Variants in KDM3B observed in about 807,000 individuals in gnomAD.
The protein encoded by KDM3B is lysine demethylase 3B.
In KDM3B, 10 loss-of-function variants were observed where a neutral mutation model predicts 170.0. That is an observed-to-expected ratio of 0.06 (90% confidence interval 0.04 to 0.10). The LOEUF (loss-of-function observed/expected upper bound fraction) is 0.10, where lower values mean the gene tolerates loss of function less well. KDM3B is among the 10% of genes least tolerant of loss of function. KDM3B has a pLI of 1.00. For missense variants in KDM3B, 1,394 were observed against 2,195.2 expected, an observed-to-expected ratio of 0.64 and a Z score of 7.29; for synonymous variants, 831 against 834.8, an observed-to-expected ratio of 1.00 and a Z score of 0.08.
Position 138,428,062 on chromosome 5 carries a change from A to G in KDM3B, c.4729A>G (p.Ile1577Val), listed in dbSNP as rs1580958560. Residue 1577 changes from isoleucine to valine, a missense_variant, in exon 20 of 24, where the codon ATC becomes GTC. Ile to Val is a conservative substitution (Grantham distance 29). Around this residue, in one of 19 missense-constraint regions of KDM3B, gnomAD observed 79 missense variants for 270.5 expected, o/e 0.29. Coordinates refer to ENST00000314358, the MANE Select transcript of KDM3B (RefSeq NM_016604.4). ...TGTGATGGTGTATGTTGGGATTCCC[A>G]TCGGGGAGGGTGCTCATGATGAAGG... ...VNVMVYVGIP[I>V]GEGAHDEEVL... 6.2e-7 allele frequency: 1 copy of G among 1,614,020 alleles called. No homozygotes were observed. Among genetic ancestry groups the G allele is most frequent in the Non-Finnish European group, 8.5e-7 (1 of 1,179,902 alleles).
chr5:138,406,965 C>T (rs905697655), intron 11 of KDM3B, among the ~76,000 whole-genome samples: 13 of 147,202 alleles, frequency 8.8e-5, no homozygotes, highest in Non-Finnish European at 1.9e-4. Flanking sequence ...AAATTATGAA[C>T]ATTATTATGC....
At chr5:138,395,994 G>A (rs1762536338) in intron 9 of KDM3B, among the ~76,000 whole-genome samples, 1 of 152,184 alleles carries the variant, frequency 6.6e-6, no homozygotes, top group South Asian at 2.1e-4. Context: ...GACTGATTTA[G>A]CAAGGTAGAA....
rs551752570 is a variant in KDM3B, at chr5:138,412,134, G to A, written c.3200-2998G>A. Among the ~76,000 whole-genome samples the A allele has an allele frequency of 8.0e-5, 12 of 150,398 alleles. No homozygotes were observed. The East Asian group carries it at 1.6e-3, about 21-fold the overall frequency. On this transcript the variant is annotated intron_variant, in intron 11 of 23. Transcript: ENST00000314358. ...GTGGATCACCTGAGGTCAGGAGTTC[G>A]AGACCAGCCTGGCCAACATGTTGAA...
intron 1 of KDM3B, among the ~76,000 whole-genome samples, chr5:138,355,391 C>A (rs1761424696): frequency 6.6e-6 from 1 of 152,012 alleles, no homozygotes; most frequent in Non-Finnish European, 1.5e-5. Flanking sequence ...TAAATGAAAC[C>A]TTTTTTGGAA....
chr5:138,426,895 T>C, intron 17 of KDM3B, 80 bp from the exon 18 acceptor site: 1 of 933,584 alleles, frequency 1.1e-6, no homozygotes, highest in South Asian at 1.4e-5. Flanking sequence ...AAAAAGAGAT[T>C]AGTCTCCCAA....
chr5:138,429,782 T>C, intron 20 of KDM3B, 44 bp from the exon 21 acceptor site: 1 of 1,604,924 alleles, frequency 6.2e-7, no homozygotes, highest in Non-Finnish European at 8.5e-7. Flanking sequence ...TCAGTGGTAC[T>C]GAAATGGCTG....
At chr5:138,401,695 A>G (rs1417007573) in intron 11 of KDM3B, among the ~76,000 whole-genome samples, 1 of 152,204 alleles carries the variant, frequency 6.6e-6, no homozygotes, top group Non-Finnish European at 1.5e-5. Context: ...CTTTTGAGGA[A>G]CTGCCAGACT....
At chr5:138,418,369 C>T (rs1392694156) in intron 13 of KDM3B, among the ~76,000 whole-genome samples, 3 of 152,066 alleles carry the variant, frequency 2.0e-5, no homozygotes, top group East Asian at 3.9e-4. Flanking sequence ...CATGAGCCAC[C>T]GCACCTGGCC....
intron 6 of KDM3B, among the ~76,000 whole-genome samples, chr5:138,384,025 G>A (rs1483272676): frequency 6.6e-6 from 1 of 151,768 alleles, no homozygotes; most frequent in East Asian, 1.9e-4. Flanking sequence ...GGGAGGCCGA[G>A]GCGGCTGGAT....
intron 2 of KDM3B, among the ~76,000 whole-genome samples, chr5:138,373,538 C>G (rs969444637): frequency 6.6e-6 from 1 of 151,960 alleles, no homozygotes; most frequent in African/African-American, 2.4e-5. Context: ...GCAATCAGAG[C>G]TCGGTGCAAT....
Position 138,368,540 on chromosome 5 carries a change from C to T in KDM3B, c.193-4134C>T, listed in dbSNP as rs532051610. ...ATTACAGGTGTGGGCCACAGCGTCC[C>T]ACTTGAAATGATTCTTTACTTTGTA... On this transcript the variant is annotated intron_variant, in intron 1 of 23. Transcript: ENST00000314358. 5.3e-5 allele frequency among the ~76,000 whole-genome samples: 8 copies of T among 152,228 alleles called. No homozygotes were observed. The South Asian group carries it at 1.7e-3, about 32-fold the overall frequency.
intron 1 of KDM3B, among the ~76,000 whole-genome samples, chr5:138,354,034 C>T (rs1309595418): frequency 1.3e-5 from 2 of 152,126 alleles, no homozygotes; most frequent in African/African-American, 4.8e-5. Context: ...TCTTGATGAA[C>T]TTGCTTTTGC....
chr5:138,355,191 G>T (rs1761419683), intron 1 of KDM3B, among the ~76,000 whole-genome samples: 2 of 152,202 alleles, frequency 1.3e-5, no homozygotes, highest in African/African-American at 4.8e-5. Flanking sequence ...TGTTTAAGAT[G>T]TTTTCAGGCA....
At position 138,386,403 on chromosome 5, in the gene KDM3B, G is replaced by T; in HGVS notation, c.1162G>T (p.Ala388Ser). ...TPASFTPYSTATGQTPLAPEV... is the reference protein window; with the variant it reads ...TPASFTPYSTSTGQTPLAPEV... ...TGCATCTTTCACTCCATATTCTACA[G>T]CCACAGGTCAGACACCTTTGGCCCC... is the stretch of plus-strand genomic sequence containing the variant. The change falls in exon 7 of 24, where the codon GCC (alanine) becomes TCC (serine). Residue 388 changes from alanine to serine, a missense_variant. Ala to Ser is a moderately conservative substitution (Grantham distance 99). This residue lies in a region of KDM3B where 205 missense variants were observed against 227.6 expected (regional missense o/e 0.90). Transcript: ENST00000314358. The T allele has an allele frequency of 6.2e-7, 1 of 1,614,212 alleles. No homozygotes were observed. Among genetic ancestry groups the T allele is most frequent in the Non-Finnish European group, 8.5e-7 (1 of 1,180,042 alleles).
At chr5:138,434,109 G>A (rs1230875917) in intron 23 of KDM3B, among the ~76,000 whole-genome samples, 2 of 152,160 alleles carry the variant, frequency 1.3e-5, no homozygotes, top group Admixed American at 6.6e-5. Flanking sequence ...CCTTTCCCGA[G>A]CTAGGGATGT....
intron 22 of KDM3B, among the ~76,000 whole-genome samples, chr5:138,431,085 T>C (rs1350430676): frequency 6.6e-6 from 1 of 152,170 alleles, no homozygotes; most frequent in Non-Finnish European, 1.5e-5. Flanking sequence ...TACTGATATT[T>C]TTATGTATTT....
At chr5:138,363,666 C>T (rs1162371296) in intron 1 of KDM3B, among the ~76,000 whole-genome samples, 1 of 152,144 alleles carries the variant, frequency 6.6e-6, no homozygotes, top group African/African-American at 2.4e-5. Context: ...CCTGCCTCAG[C>T]CTCCTGAGTA....
chr5:138,356,322 T>C (rs904615731), intron 1 of KDM3B, among the ~76,000 whole-genome samples: 1 of 152,204 alleles, frequency 6.6e-6, no homozygotes, highest in African/African-American at 2.4e-5. Flanking sequence ...CCAGTAGGTG[T>C]ATAGCATTTC....
At chr5:138,396,769 T>C (rs1762558208) in intron 9 of KDM3B, among the ~76,000 whole-genome samples, 1 of 151,930 alleles carries the variant, frequency 6.6e-6, no homozygotes, top group Non-Finnish European at 1.5e-5. Flanking sequence ...GGAAGTAATA[T>C]TGGAGGTATG....
Sources: allele counts gnomAD v4.1 joint callset (sites outside exome capture counted in the v4.1 genomes callset), GRCh38; gene constraint gnomAD v4.1.1; regional missense constraint gnomAD v4.1.1; transcripts MANE v1.5; gene names NCBI Gene and HGNC (gene_info 2026-07-23, HGNC 2026-07-21).